The following ARHGAP8 variants were observed in gnomAD, a reference collection of about 807,000 sequenced individuals.
ARHGAP8 encodes the protein Rho GTPase activating protein 8.
A neutral mutation model predicts 46.1 loss-of-function variants in ARHGAP8; 62 were observed. The ratio of observed to expected loss-of-function variants is 1.34; its 90% CI spans 1.10 to 1.66. The LOEUF (loss-of-function observed/expected upper bound fraction) is 1.66, where lower values mean the gene tolerates loss of function less well. ARHGAP8 is among the 40% of genes most tolerant of loss of function. The pLI, the probability that ARHGAP8 is intolerant of heterozygous loss-of-function variation, is 0.00. For missense variants in ARHGAP8, 923 were observed against 568.4 expected (o/e 1.62, Z -6.34); for synonymous variants, 375 against 243.1 (o/e 1.54, Z -5.05).
chr22:44,825,588 G>A lies in ARHGAP8; in HGVS notation c.591G>A (p.Leu197=). 3.1e-6 allele frequency: 5 copies of A among 1,612,388 alleles called. No individual in the cohort carries two copies. Among genetic ancestry groups the A allele is most frequent in the Non-Finnish European group, 4.2e-6 (5 of 1,179,246 alleles). The stretch of plus-strand genomic sequence containing the variant: ...CCACACAGCAGTTTGGCGTCAGTCT[G>A]CAATAGTAAGTGAGCCGGGGATGTG... The part of the protein sequence containing the change: ...PLPTQQFGVS[L]QYLKDKNQGE... Residue 197 remains leucine, a synonymous_variant, in exon 7 of 12, where the codon CTG becomes CTA. Transcript: ENST00000356099.
At chr22:44,860,097 TTTGTTA>T in intron 11 of ARHGAP8, among the ~76,000 whole-genome samples, 1 of 152,182 alleles carries the variant, frequency 6.6e-6, no homozygotes, top group African/African-American at 2.4e-5. Flanking sequence ...GCCAGTGACT[TTTGTTA>T]TTGGGGTCCT....
At chr22:44,860,429 T>C (rs546215652) in intron 11 of ARHGAP8, among the ~76,000 whole-genome samples, 80 of 152,020 alleles carry the variant, frequency 5.3e-4, no homozygotes, top group Middle Eastern at 6.8e-3. Flanking sequence ...CCCCCTGGCC[T>C]TTGTCTGTGT....
intron 9 of ARHGAP8, 22 bp downstream of exon 9, chr22:44,848,072 G>T: frequency 6.2e-7 from 1 of 1,603,378 alleles, no homozygotes; most frequent in Non-Finnish European, 8.5e-7. Flanking sequence ...CCGCAGTCCT[G>T]AGCCCCGAGC....
intron 6 of ARHGAP8, among the ~76,000 whole-genome samples, chr22:44,825,061 G>A (rs1436874256): frequency 1.3e-5 from 2 of 151,264 alleles, no homozygotes; most frequent in Non-Finnish European, 2.9e-5. Flanking sequence ...CATCTAGTAG[G>A]CAGCAAGCCC....
At chr22:44,771,205 G>T (rs1268942848) in intron 1 of ARHGAP8, among the ~76,000 whole-genome samples, 1 of 150,002 alleles carries the variant, frequency 6.7e-6, no homozygotes, top group Admixed American at 6.7e-5. Flanking sequence ...AGATTCCTTA[G>T]GATTTTTACT....
chr22:44,858,307 G>A (rs920288494), intron 10 of ARHGAP8, among the ~76,000 whole-genome samples: 1 of 151,232 alleles, frequency 6.6e-6, no homozygotes, highest in Non-Finnish European at 1.5e-5. Flanking sequence ...GCACACATGT[G>A]CATACATGTT....
At chr22:44,791,244 G>T (rs1404146134) in intron 2 of ARHGAP8, among the ~76,000 whole-genome samples, 1 of 152,140 alleles carries the variant, frequency 6.6e-6, no homozygotes, top group South Asian at 2.1e-4. Flanking sequence ...GGGGCTGTGC[G>T]CTGTGCTGGG....
Position 44,859,797 on chromosome 22 carries a change from A to G in ARHGAP8, c.944A>G (p.Tyr315Cys), listed in dbSNP as rs139756068. The change falls in exon 11 of 12, where the codon TAC becomes TGC. Residue 315 changes from tyrosine to cysteine, a missense_variant. Coordinates refer to ENST00000356099, the MANE Select transcript of ARHGAP8 (RefSeq NM_181335.3). The part of the protein sequence containing the change: ...QILRSLPEHN[Y>C]VVLRYLMGFL... ...TTACGGAGCCTCCCAGAGCACAACT[A>G]CGTCGTCCTCCGCTACCTCATGGGC... 330 of 1,613,958 alleles carry G rather than the reference A, an allele frequency of 2.0e-4. 2 individuals carry two copies. Among genetic ancestry groups the G allele is most frequent in the Admixed American group, 1.4e-3 (86 of 60,012 alleles).
At chr22:44,796,028 T>A (rs1372377889) in intron 2 of ARHGAP8, among the ~76,000 whole-genome samples, 1 of 151,138 alleles carries the variant, frequency 6.6e-6, no homozygotes, top group Non-Finnish European at 1.5e-5. Context: ...CCTCCTCACC[T>A]GGCTTCCCAG....
chr22:44,796,726 T>G (rs1212906661), intron 2 of ARHGAP8, among the ~76,000 whole-genome samples: 1 of 152,192 alleles, frequency 6.6e-6, no homozygotes, highest in Non-Finnish European at 1.5e-5. Context: ...GACCTTACCC[T>G]GCGCGTCTCT....
intron 7 of ARHGAP8, among the ~76,000 whole-genome samples, chr22:44,838,759 C>G (rs1274078257): frequency 6.6e-6 from 1 of 152,168 alleles, no homozygotes; most frequent in Non-Finnish European, 1.5e-5. Context: ...GCTGCGTGAA[C>G]CCGGATAAGT....
In ARHGAP8 at chr22:44,825,228, C is replaced by T. The variant is rs988141402; in HGVS notation, c.486-255C>T. ...ATGGTAAGCAGGTGAGGCTGCTCTG[C>T]TGGCCAGGGGCCTCAGGAGAGACTG... On this transcript the variant is annotated intron_variant, in intron 6 of 11. Coordinates refer to ENST00000356099, the MANE Select transcript of ARHGAP8 (RefSeq NM_181335.3). Among the ~76,000 whole-genome samples the T allele has an allele frequency of 3.9e-5, 6 of 152,258 alleles. 1 individual carries two copies.
At position 44,845,318 on chromosome 22, in the gene ARHGAP8, A is replaced by G. The variant is rs1602256560; in HGVS notation, c.646A>G (p.Thr216Ala). Residue 216 changes from threonine to alanine, a missense_variant, in exon 8 of 12, where the codon ACA (threonine) becomes GCA (alanine). Thr to Ala is a moderately conservative substitution (Grantham distance 58, BLOSUM62 0). Transcript: ENST00000356099. ...GELIPPVLRF[T>A]VTYLREKGLR... ...ACTCATCCCCCCTGTGCTGAGGTTC[A>G]CAGTGACGTACCTGAGAGAGAAAGG... is the stretch of plus-strand genomic sequence containing the variant. The G allele has an allele frequency of 1.2e-6, 2 of 1,614,028 alleles. No individual in the cohort carries two copies. The highest frequency in any genetic ancestry group is 1.7e-6 in the Non-Finnish European group (2 of 1,180,018).
chr22:44,795,843 C>T (rs2147067456), intron 2 of ARHGAP8, among the ~76,000 whole-genome samples: 1 of 152,268 alleles, frequency 6.6e-6, no homozygotes, highest in South Asian at 2.1e-4. Flanking sequence ...TCCCACAAGC[C>T]TCCCAGCCCC....
intron 3 of ARHGAP8, among the ~76,000 whole-genome samples, chr22:44,805,381 G>C (rs1438452399): frequency 6.6e-6 from 1 of 152,194 alleles, no homozygotes. Flanking sequence ...CTGTAGAGAG[G>C]GGGTAATTGC....
chr22:44,784,980 G>A (rs1156509442), intron 1 of ARHGAP8, among the ~76,000 whole-genome samples: 1 of 152,162 alleles, frequency 6.6e-6, no homozygotes, highest in African/African-American at 2.4e-5. Flanking sequence ...CCCCATTCCT[G>A]CACAGAGTGG....
intron 6 of ARHGAP8, among the ~76,000 whole-genome samples, chr22:44,823,897 G>T (rs1316147761): frequency 1.3e-5 from 2 of 152,126 alleles, no homozygotes; most frequent in African/African-American, 4.8e-5. Context: ...GAGGGGATGA[G>T]GTTTGGGAGA....
intron 4 of ARHGAP8, among the ~76,000 whole-genome samples, chr22:44,813,835 C>G (rs114182249): frequency 0.021 from 3,202 of 152,230 alleles, 109 homozygotes; most frequent in African/African-American, 0.073. Flanking sequence ...CTACACACAC[C>G]TACACACTTA....
At chr22:44,833,103 T>TTC (rs1373088710) in intron 7 of ARHGAP8, among the ~76,000 whole-genome samples, 3 of 144,946 alleles carry the variant, frequency 2.1e-5, no homozygotes, top group Admixed American at 6.8e-5. Flanking sequence ...TTTCTTTTTT[T>TTC]TTTTTTTTTT....
Sources: gnomAD v4.1 joint callset for allele counts (sites outside exome capture counted in the v4.1 genomes callset) on GRCh38, gnomAD v4.1.1 for gene constraint, MANE v1.5 for transcripts, NCBI Gene and HGNC (gene_info 2026-07-23, HGNC 2026-07-21) for gene names.